The following SIPA1L2 variants were observed in gnomAD, a reference collection of about 807,000 sequenced individuals.
SIPA1L2 encodes the protein signal induced proliferation associated 1 like 2.
In SIPA1L2, 56 loss-of-function variants were observed where a neutral mutation model predicts 163.9. The ratio of observed to expected loss-of-function variants is 0.34; its 90% CI spans 0.28 to 0.43. The LOEUF (loss-of-function observed/expected upper bound fraction) is 0.43, where lower values mean the gene tolerates loss of function less well. Ranked by LOEUF, SIPA1L2 falls within the 20% of genes least tolerant of loss-of-function variation. The pLI, the probability that SIPA1L2 is intolerant of heterozygous loss-of-function variation, is 1.00. For synonymous variants in SIPA1L2, 877 were observed against 865.7 expected (o/e 1.01, Z -0.23); for missense variants, 1,974 against 2,193.5 (o/e 0.90, Z 2.00).
At chr1:232,539,848 A>T (rs781272525) in intron 2 of SIPA1L2, among the ~76,000 whole-genome samples, 4 of 152,158 alleles carry the variant, frequency 2.6e-5, no homozygotes, top group African/African-American at 4.8e-5. Flanking sequence ...TCATTCTACC[A>T]GTTTTCATTA....
intron 18 of SIPA1L2, among the ~76,000 whole-genome samples, chr1:232,421,249 A>G (rs1233425807): frequency 2.6e-5 from 4 of 151,994 alleles, no homozygotes; most frequent in Non-Finnish European, 4.4e-5. Context: ...CTTTCGAGAG[A>G]CTCATGAATT....
intron 8 of SIPA1L2, among the ~76,000 whole-genome samples, chr1:232,470,776 T>C (rs893904868): frequency 2.0e-5 from 3 of 152,248 alleles, no homozygotes; most frequent in African/African-American, 7.2e-5. Context: ...CTATGATAAG[T>C]GGTAAAGCTG....
rs187872340 is a variant in SIPA1L2 at position 232,442,639 on chromosome 1, A to G, written c.3438-771T>C. ...TATGAAAACCCCAAATATGATAGAA[A>G]TAAGTAGAAGAAAACTTATTGACAT... is the stretch of plus-strand genomic sequence containing the variant. On this transcript the variant is annotated intron_variant, in intron 12 of 22. Coordinates refer to ENST00000674635, the MANE Select transcript of SIPA1L2 (RefSeq NM_020808.5). Among the ~76,000 whole-genome samples the G allele has an allele frequency of 2.6e-4, 39 of 152,292 alleles. 1 individual carries two copies. The East Asian group carries it at 7.5e-3, about 29-fold the overall frequency.
At chr1:232,607,481 T>A (rs1661987701) in intron 1 of SIPA1L2, among the ~76,000 whole-genome samples, 1 of 152,190 alleles carries the variant, frequency 6.6e-6, no homozygotes, top group South Asian at 2.1e-4. Context: ...AGACCACTTG[T>A]GATTATTTCG....
chr1:232,410,044 C>A (rs1275984825), intron 19 of SIPA1L2, among the ~76,000 whole-genome samples: 4 of 151,906 alleles, frequency 2.6e-5, no homozygotes, highest in Non-Finnish European at 5.9e-5. Flanking sequence ...ATCTAAATTT[C>A]TTTTATCTCC....
intron 2 of SIPA1L2, among the ~76,000 whole-genome samples, chr1:232,540,795 C>T (rs1657611645): frequency 6.6e-6 from 1 of 151,966 alleles, no homozygotes; most frequent in South Asian, 2.1e-4. Context: ...AAAATTTGAC[C>T]AGAATTATCA....
At chr1:232,444,613 T>C (rs192184856) in intron 11 of SIPA1L2, among the ~76,000 whole-genome samples, 29 of 152,310 alleles carry the variant, frequency 1.9e-4, no homozygotes, top group African/African-American at 6.3e-4. Flanking sequence ...ATCAATTAAT[T>C]CTGGTTAATA....
chr1:232,497,602 T>C (rs983416696), intron 3 of SIPA1L2, among the ~76,000 whole-genome samples: 8 of 152,146 alleles, frequency 5.3e-5, no homozygotes, highest in Admixed American at 5.2e-4. Context: ...CCAGGTCTCC[T>C]CCTGCCAGAG....
intron 1 of SIPA1L2, among the ~76,000 whole-genome samples, chr1:232,594,161 G>A (rs569458765): frequency 1.0e-3 from 156 of 152,232 alleles, no homozygotes; most frequent in African/African-American, 3.6e-3. Context: ...CTGCCCAGTC[G>A]GACTAGAACA....
At chr1:232,619,365 G>A (rs1662678210) in intron 1 of SIPA1L2, among the ~76,000 whole-genome samples, 1 of 152,164 alleles carries the variant, frequency 6.6e-6, no homozygotes, top group African/African-American at 2.4e-5. Flanking sequence ...ATTTACACAG[G>A]AATCTTTTTC....
At position 232,434,366 on chromosome 1, in the gene SIPA1L2, C is replaced by A. The variant is rs541720312; in HGVS notation, c.4032-1895G>T. Among the ~76,000 whole-genome samples, 104 of 152,214 alleles carry A rather than the reference C, an allele frequency of 6.8e-4. No individual in the cohort carries two copies. The Middle Eastern group carries it at 0.014, about 20-fold the overall frequency. ...GCGGTATTAAGTAAAATTAACCAAC[C>A]AACAAACAAAGCGCCTCATCTACTC... On this transcript the variant is annotated intron_variant, in intron 15 of 22. Coordinates refer to ENST00000674635, the MANE Select transcript of SIPA1L2 (RefSeq NM_020808.5).
chr1:232,489,068 A>G (rs1665792664), intron 5 of SIPA1L2, among the ~76,000 whole-genome samples: 1 of 152,212 alleles, frequency 6.6e-6, no homozygotes, highest in South Asian at 2.1e-4. Context: ...TCTGGGGAAC[A>G]TGAACCATCT....
At chr1:232,462,346 T>G in intron 9 of SIPA1L2, 1 of 1,534,910 alleles carries the variant, frequency 6.5e-7, no homozygotes, top group Admixed American at 2.0e-5. Context: ...TTCAGTTTAA[T>G]GAACACTCCA....
At chr1:232,547,143 G>T (rs1202555881) in intron 2 of SIPA1L2, among the ~76,000 whole-genome samples, 1 of 152,122 alleles carries the variant, frequency 6.6e-6, no homozygotes, top group Non-Finnish European at 1.5e-5. Flanking sequence ...CTTTTCACTG[G>T]CTATGCTTTA....
At chr1:232,612,992 T>C (rs1320512666) in intron 1 of SIPA1L2, among the ~76,000 whole-genome samples, 1 of 152,202 alleles carries the variant, frequency 6.6e-6, no homozygotes, top group Non-Finnish European at 1.5e-5. Flanking sequence ...TCCCCCATAC[T>C]GTTCTCGTGG....
chr1:232,414,201 C>T (rs536847356), intron 19 of SIPA1L2, among the ~76,000 whole-genome samples: 4 of 152,284 alleles, frequency 2.6e-5, no homozygotes, highest in South Asian at 2.1e-4. Context: ...GAGCAGTGAG[C>T]GCACATTCAT....
Position 232,424,322 on chromosome 1 carries a change from CAAAAAAAAAAA to C in SIPA1L2, c.4630+1256_4630+1266del, listed in dbSNP as rs55961523. ...TCTATTTTTTTTTAAGTGAAGCTAA[CAAAAAAAAAAA>C]AAAAAAAAAAAAAAAAAGGACATAC... On this transcript the variant is annotated intron_variant, in intron 18 of 22. Coordinates refer to ENST00000674635, the MANE Select transcript of SIPA1L2 (RefSeq NM_020808.5). Among the ~76,000 whole-genome samples, 95 of 71,772 alleles carry C rather than the reference CAAAAAAAAAAA, an allele frequency of 1.3e-3. 1 individual carries two copies. In the South Asian group the frequency reaches 0.015, roughly 11 times the overall value. 47.1% of individuals were successfully genotyped at this position (71,772 alleles called of 152,430 possible). A position where few individuals can be genotyped will look rare whatever the true frequency, so the allele number is the denominator to read the frequency against.
At position 232,439,188 on chromosome 1, in the gene SIPA1L2, A is replaced by T. The variant is rs758526653; in HGVS notation, c.3951T>A (p.His1317Gln). 1 of 1,613,662 alleles carries T rather than the reference A, an allele frequency of 6.2e-7. No individual in the cohort carries two copies. The highest frequency in any genetic ancestry group is 8.5e-7 in the Non-Finnish European group (1 of 1,180,050). Residue 1317 changes from histidine to glutamine, a missense_variant, in exon 15 of 23, where the codon CAT becomes CAA. By Grantham distance (24) the His-to-Gln change is conservative (BLOSUM62 0). Around this residue, in one of 3 missense-constraint regions of SIPA1L2, gnomAD observed 1,079 missense variants for 1,150.7 expected, o/e 0.94. Coordinates refer to ENST00000674635, the MANE Select transcript of SIPA1L2 (RefSeq NM_020808.5). ...DDEPAKLYSV[H>Q]GYASTISAGS... Reference sequence around the variant, plus strand: ...CGGCGGAGATGGTGGACGCGTAGCCATGCACAGAATATAACTTGGCTGGCT... The same window carrying T: ...CGGCGGAGATGGTGGACGCGTAGCCTTGCACAGAATATAACTTGGCTGGCT...
chr1:232,591,139 A>G (rs1223573525), intron 1 of SIPA1L2, among the ~76,000 whole-genome samples: 1 of 152,242 alleles, frequency 6.6e-6, no homozygotes, highest in Non-Finnish European at 1.5e-5. Flanking sequence ...TGAAAATAGC[A>G]GCCCACATAG....
Sources: allele counts gnomAD v4.1 joint callset (sites outside exome capture counted in the v4.1 genomes callset), GRCh38; gene constraint gnomAD v4.1.1; regional missense constraint gnomAD v4.1.1; transcripts MANE v1.5; gene names NCBI Gene and HGNC (gene_info 2026-07-23, HGNC 2026-07-21).